Variants in DOCK1 observed in about 807,000 individuals in gnomAD.
The protein encoded by DOCK1 is dedicator of cytokinesis 1, also known as dedicator of cytokinesis protein 1.
In DOCK1, 138 loss-of-function variants were observed where a neutral mutation model predicts 262.7. The observed-to-expected ratio is 0.53, with a 90% CI of 0.46 to 0.61. DOCK1 has a LOEUF of 0.61. DOCK1 is among the 20% of genes least tolerant of loss of function. DOCK1 has a pLI of 0.00. For missense variants in DOCK1, 1,908 were observed against 2,370.7 expected, an observed-to-expected ratio of 0.80 and a Z score of 4.05; for synonymous variants, 866 against 867.4, an observed-to-expected ratio of 1.00 and a Z score of 0.03.
At chr10:127,144,968 G>C (rs983479851) in intron 27 of DOCK1, among the ~76,000 whole-genome samples, 2 of 151,838 alleles carry the variant, frequency 1.3e-5, no homozygotes, top group African/African-American at 2.4e-5. Context: ...AAAAGCATTA[G>C]CCAGATATCC....
At chr10:126,906,652 C>T (rs1349984061) in intron 1 of DOCK1, among the ~76,000 whole-genome samples, 6 of 152,222 alleles carry the variant, frequency 3.9e-5, no homozygotes, top group African/African-American at 9.6e-5. Context: ...AGCAGCCCCG[C>T]GCCCATTCTG....
At chr10:126,998,317 C>A (rs2040353570) in intron 8 of DOCK1, 68 bp downstream of exon 8, 1 of 1,593,184 alleles carries the variant, frequency 6.3e-7, no homozygotes, top group African/African-American at 1.3e-5. Context: ...ATCAGAACCA[C>A]TGAAGCGTCC....
At chr10:127,397,881 G>A (rs1452793787) in intron 38 of DOCK1, among the ~76,000 whole-genome samples, 1 of 152,082 alleles carries the variant, frequency 6.6e-6, no homozygotes, top group Non-Finnish European at 1.5e-5. Context: ...TGCATGTCCT[G>A]GGCAGTGACT....
At chr10:126,906,650 C>T (rs1284105115) in intron 1 of DOCK1, among the ~76,000 whole-genome samples, 10 of 152,208 alleles carry the variant, frequency 6.6e-5, no homozygotes, top group Admixed American at 5.2e-4. Flanking sequence ...GCAGCAGCCC[C>T]GCGCCCATTC....
chr10:127,209,410 G>A (rs35790716), intron 27 of DOCK1, among the ~76,000 whole-genome samples: 17,200 of 152,214 alleles, frequency 0.11, 1,312 homozygotes, highest in Admixed American at 0.16. Context: ...GCAAGGGCCA[G>A]AAGTAGCCGC....
At position 127,026,379 on chromosome 10, in the gene DOCK1, C is replaced by G; in HGVS notation, c.1579C>G (p.Arg527Gly). Residue 527 changes from arginine (R) to glycine (G), a missense_variant, in exon 16 of 52, where the codon CGC becomes GGC. Around this residue, in one of 9 missense-constraint regions of DOCK1, gnomAD observed 294 missense variants for 439.9 expected, o/e 0.67. Transcript: ENST00000623213. ...GGCCATTCCCATCGAGGACGTTAAC[C>G]GCAGTCACCTTCGGTTTACCTTCCG... is the stretch of plus-strand genomic sequence containing the variant. ...KVAIPIEDVN[R>G]SHLRFTFRHR... The G allele has an allele frequency of 6.3e-7, 1 of 1,574,976 alleles. No individual in the cohort carries two copies. Among genetic ancestry groups the G allele is most frequent in the Admixed American group, 1.8e-5 (1 of 54,628 alleles).
chr10:126,948,861 T>C (rs1229298104), intron 1 of DOCK1, among the ~76,000 whole-genome samples: 1 of 152,056 alleles, frequency 6.6e-6, no homozygotes, highest in East Asian at 1.9e-4. Flanking sequence ...AGGTTGGGGA[T>C]ATGTGTGCTG....
intron 27 of DOCK1, among the ~76,000 whole-genome samples, chr10:127,173,016 C>G (rs1475062028): frequency 2.0e-5 from 3 of 152,164 alleles, no homozygotes; most frequent in Non-Finnish European, 4.4e-5. Flanking sequence ...TAGAGCAGCT[C>G]CAGAGTTTCA....
rs1338552598 is a variant in DOCK1 at position 127,343,676 on chromosome 10, G to A, written c.3154G>A (p.Ala1052Thr). 1 of 1,611,304 alleles carries A rather than the reference G, an allele frequency of 6.2e-7. No homozygotes were observed. The highest frequency in any genetic ancestry group is 1.7e-5 in the Admixed American group (1 of 59,740). ...GAACAACTACTTTCACCTGGCTGTT[G>A]CTTTCCTTACTCAAGAGTCCCTGCA... ...LWNNYFHLAV[A>T]FLTQESLQLE... The change falls in exon 31 of 52, where the codon GCT becomes ACT. Residue 1052 changes from alanine to threonine, a missense_variant. Ala to Thr is a moderately conservative substitution (Grantham distance 58, BLOSUM62 0). Around this residue, in one of 9 missense-constraint regions of DOCK1, gnomAD observed 518 missense variants for 575.1 expected, o/e 0.90. Transcript: ENST00000623213.
intron 25 of DOCK1, among the ~76,000 whole-genome samples, chr10:127,124,577 C>G (rs1204051506): frequency 2.0e-5 from 3 of 152,218 alleles, no homozygotes; most frequent in Non-Finnish European, 4.4e-5. Context: ...ATTGAAAGAA[C>G]AAATGGAAAC....
chr10:126,957,488 G>A (rs1008489909), intron 1 of DOCK1, among the ~76,000 whole-genome samples: 7 of 152,154 alleles, frequency 4.6e-5, no homozygotes, highest in South Asian at 2.1e-4. Flanking sequence ...ATTTATCTTC[G>A]TTTTTATTTT....
chr10:126,982,570 C>A (rs979350163), intron 4 of DOCK1, among the ~76,000 whole-genome samples: 2 of 152,184 alleles, frequency 1.3e-5, no homozygotes, highest in African/African-American at 4.8e-5. Context: ...TTTGTCTCTG[C>A]TACATCTTCA....
intron 23 of DOCK1, among the ~76,000 whole-genome samples, chr10:127,069,920 G>A (rs1187742292): frequency 6.6e-6 from 1 of 152,140 alleles, no homozygotes; most frequent in African/African-American, 2.4e-5. Flanking sequence ...TTCTCTCAGA[G>A]CCTTGGAGAT....
chr10:127,300,834 T>A (rs1408889956), intron 29 of DOCK1, among the ~76,000 whole-genome samples: 1 of 152,132 alleles, frequency 6.6e-6, no homozygotes, highest in Non-Finnish European at 1.5e-5. Flanking sequence ...TGGCTCAGCT[T>A]GTTTCATCCG....
At chr10:127,401,746 A>T (rs534375878) in intron 38 of DOCK1, among the ~76,000 whole-genome samples, 1 of 152,124 alleles carries the variant, frequency 6.6e-6, no homozygotes. Flanking sequence ...CCTGACCATC[A>T]TCTGACGGTC....
At chr10:127,200,604 A>G (rs1049853993) in intron 27 of DOCK1, among the ~76,000 whole-genome samples, 5 of 152,078 alleles carry the variant, frequency 3.3e-5, no homozygotes, top group African/African-American at 1.2e-4. Flanking sequence ...AGGTTTCACC[A>G]TGTTGCCCAG....
chr10:127,196,691 C>G (rs2057187432), intron 27 of DOCK1, among the ~76,000 whole-genome samples: 1 of 147,482 alleles, frequency 6.8e-6, no homozygotes, highest in Admixed American at 6.7e-5. Flanking sequence ...GAGGAGCCCC[C>G]TCCCGCCGCC....
At chr10:127,346,760 T>G (rs1219844005) in intron 31 of DOCK1, among the ~76,000 whole-genome samples, 1 of 152,204 alleles carries the variant, frequency 6.6e-6, no homozygotes, top group Non-Finnish European at 1.5e-5. Flanking sequence ...ACCCAGGGCC[T>G]CTGCCTAGGG....
chr10:127,362,884 C>A (rs866888745), intron 33 of DOCK1, among the ~76,000 whole-genome samples: 82 of 145,150 alleles, frequency 5.6e-4, no homozygotes, highest in Non-Finnish European at 9.1e-4. Flanking sequence ...CATACACATC[C>A]CCACACACAC....
Sources: gnomAD v4.1 joint callset for allele counts (sites outside exome capture counted in the v4.1 genomes callset) on GRCh38, gnomAD v4.1.1 for gene constraint, gnomAD v4.1.1 regional missense constraint, MANE v1.5 for transcripts, NCBI Gene and HGNC (gene_info 2026-07-23, HGNC 2026-07-21) for gene names.